Variants in TTF2 observed in about 807,000 individuals in gnomAD.
The protein encoded by TTF2 is RNA polymerase II termination factor.
Under a neutral mutation model 142.4 loss-of-function variants are expected in TTF2, and 108 were observed. The observed-to-expected ratio is 0.76, with a 90% CI of 0.65 to 0.89. The LOEUF (loss-of-function observed/expected upper bound fraction) is 0.89. Ranked by LOEUF, TTF2 falls within the 40% of genes least tolerant of loss-of-function variation. The probability of loss-of-function intolerance (pLI) is 0.00; values close to 1 mark genes in which losing one functional copy is unlikely to be tolerated. For synonymous variants in TTF2, 483 were observed against 506.2 expected (o/e 0.95, Z 0.61); for missense variants, 1,327 against 1,379.8 (o/e 0.96, Z 0.61).
At chr1:117,072,485 T>C (rs1385172448) in intron 3 of TTF2, among the ~76,000 whole-genome samples, 1 of 138,098 alleles carries the variant, frequency 7.2e-6, no homozygotes, top group Non-Finnish European at 1.5e-5. Context: ...AGTGCAGTGG[T>C]GCAATCTCGG....
intron 15 of TTF2, 149 bp from the exon 16 acceptor site, chr1:117,091,179 C>T: frequency 2.0e-6 from 1 of 503,348 alleles, no homozygotes; most frequent in Non-Finnish European, 3.4e-6. Context: ...ATAACTGTTT[C>T]TTTTGCATTA....
Position 117,076,108 on chromosome 1 carries a change from G to C in TTF2, c.1276-72G>C, listed in dbSNP as rs908402563. ...TAATTTCAGAGTTTGGGTGTTTCAGGCTATTTTAATCTGAAACTATTCATC... is the reference window on the plus strand; with the variant it reads ...TAATTTCAGAGTTTGGGTGTTTCAGCCTATTTTAATCTGAAACTATTCATC... On this transcript the variant is annotated intron_variant, in intron 5 of 22. Transcript: ENST00000369466. The surrounding 1 kb of genome is among the most constrained non-coding windows in gnomAD (Gnocchi z 4.6). 8.3e-6 allele frequency: 12 copies of C among 1,444,634 alleles called. No individual in the cohort carries two copies. Among genetic ancestry groups the C allele is most frequent in the Non-Finnish European group, 1.1e-5 (12 of 1,051,846 alleles). 89.5% of individuals were successfully genotyped at this position (1,444,634 alleles called of 1,614,324 possible). A position where few individuals can be genotyped will look rare whatever the true frequency, so the allele number is the denominator to read the frequency against.
At chr1:117,072,062 A>T (rs1656619837) in intron 3 of TTF2, among the ~76,000 whole-genome samples, 1 of 152,058 alleles carries the variant, frequency 6.6e-6, no homozygotes, top group Non-Finnish European at 1.5e-5. Flanking sequence ...TTGGATGGAG[A>T]GTAGTACCCA....
Position 117,092,308 on chromosome 1 carries a change from T to C in TTF2, c.2805+358T>C, listed in dbSNP as rs1648665740. On this transcript the variant is annotated intron_variant, in intron 17 of 22. Transcript: ENST00000369466. This position sits in a 1 kb window ranked among gnomAD's most constrained non-coding sequence, Gnocchi z 4.4. ...AATTTAGTTCTTGGGGTTTTCTGCT[T>C]TCAGGCAGTTTTGGGGTTTTGGGTT... Among the ~76,000 whole-genome samples the C allele has an allele frequency of 6.6e-6, 1 of 152,186 alleles. No homozygotes were observed. Among genetic ancestry groups the C allele is most frequent in the Non-Finnish European group, 1.5e-5 (1 of 68,034 alleles).
Position 117,092,957 on chromosome 1 carries a change from C to A in TTF2, c.2976+56C>A. On this transcript the variant is annotated intron_variant, in intron 18 of 22. Coordinates refer to ENST00000369466, the MANE Select transcript of TTF2 (RefSeq NM_003594.4). This position sits in a 1 kb window ranked among gnomAD's most constrained non-coding sequence, Gnocchi z 4.4. ...AGACTTCGATTCCTCACACATTTTC[C>A]TGTGTGACAGCACTTCATTTGTCCA... The A allele has an allele frequency of 6.3e-7, 1 of 1,586,918 alleles. No homozygotes were observed. The highest frequency in any genetic ancestry group is 2.2e-5 in the East Asian group (1 of 44,714).
At chr1:117,084,312 A>G (rs568261263) in intron 11 of TTF2, 144 bp downstream of exon 11, 2 of 1,040,906 alleles carry the variant, frequency 1.9e-6, no homozygotes, top group South Asian at 1.6e-5. Flanking sequence ...TCGTCACCAT[A>G]CAGCCTTTGC....
intron 18 of TTF2, chr1:117,094,698 A>G (rs768381092): frequency 2.1e-6 from 1 of 476,056 alleles, no homozygotes. Context: ...CCCCTCACAC[A>G]TGGCCGAAAC....
intron 18 of TTF2, chr1:117,094,812 A>G (rs1188844158): frequency 2.7e-6 from 1 of 367,806 alleles, no homozygotes; most frequent in Non-Finnish European, 5.5e-6. Flanking sequence ...CCGTGATAAT[A>G]GAAACAAAAG....
chr1:117,094,040 C>T (rs1648862408), intron 18 of TTF2, among the ~76,000 whole-genome samples: 1 of 152,222 alleles, frequency 6.6e-6, no homozygotes, highest in African/African-American at 2.4e-5. Flanking sequence ...ACATCAGTGT[C>T]TCTGTTCTAT....
chr1:117,101,240 A>G lies in TTF2; in HGVS notation c.3345-140A>G. ...TCAAGGTTGTTTGGATTCCTCAGAC[A>G]GGGTTCTTAACTGGACCTAAGAAGA... On this transcript the variant is annotated intron_variant, in intron 22 of 22. Transcript: ENST00000369466. This position sits in a 1 kb window ranked among gnomAD's most constrained non-coding sequence, Gnocchi z 5.9. The G allele has an allele frequency of 1.2e-6, 1 of 809,028 alleles. No homozygotes were observed. The highest frequency in any genetic ancestry group is 1.8e-6 in the Non-Finnish European group (1 of 547,012). The allele number at this position is 809,028 out of a possible 1,614,324, so 50.1% of individuals were successfully genotyped here.
At position 117,101,488 on chromosome 1, in the gene TTF2, C is replaced by G; in HGVS notation, c.3453C>G (p.Leu1151=). 1 of 1,603,144 alleles carries G rather than the reference C, an allele frequency of 6.2e-7. No homozygotes were observed. The highest frequency in any genetic ancestry group is 8.5e-7 in the Non-Finnish European group (1 of 1,177,442). ...LSGSGESVTK[L]TLADLRVLFG... is the part of the protein sequence containing the mutation. Reference sequence around the variant, plus strand: ...GGTCTGGAGAATCTGTCACCAAGCTCACCTTGGCTGACCTCAGAGTCCTTT... The same window carrying G: ...GGTCTGGAGAATCTGTCACCAAGCTGACCTTGGCTGACCTCAGAGTCCTTT... Residue 1151 remains leucine, a synonymous_variant, in exon 23 of 23, where the codon CTC becomes CTG. Coordinates refer to ENST00000369466, the MANE Select transcript of TTF2 (RefSeq NM_003594.4). This position sits in a 1 kb window ranked among gnomAD's most constrained non-coding sequence, Gnocchi z 5.9.
At position 117,090,494 on chromosome 1, in the gene TTF2, G is replaced by A. The variant is rs777569964; in HGVS notation, c.2497-38G>A. Reference sequence around the variant, plus strand: ...TTGTTCTATAATAGGCAGTTAATTTGTATAGCTTCATGCCAGCTTTTTTTT... The same window carrying A: ...TTGTTCTATAATAGGCAGTTAATTTATATAGCTTCATGCCAGCTTTTTTTT... On this transcript the variant is annotated intron_variant, in intron 14 of 22. Coordinates refer to ENST00000369466, the MANE Select transcript of TTF2 (RefSeq NM_003594.4). The surrounding 1 kb of genome is among the most constrained non-coding windows in gnomAD (Gnocchi z 4.8). The A allele has an allele frequency of 1.3e-6, 2 of 1,582,606 alleles. No individual in the cohort carries two copies. Among genetic ancestry groups the A allele is most frequent in the Non-Finnish European group, 1.7e-6 (2 of 1,157,104 alleles).
In TTF2 at chr1:117,080,470, G is replaced by T. The variant is rs77244769; in HGVS notation, c.1783+821G>T. Among the ~76,000 whole-genome samples, 63 of 152,300 alleles carry T rather than the reference G, an allele frequency of 4.1e-4. 2 individuals are homozygous for T. In the East Asian group the frequency reaches 0.011, roughly 26 times the overall value. ...TAAAGCTGCTTATACCTGAATTAAA[G>T]ATGTTTATGAGTACATCTGATATAT... On this transcript the variant is annotated intron_variant, in intron 9 of 22. Transcript: ENST00000369466. The surrounding 1 kb of genome is among the most constrained non-coding windows in gnomAD (Gnocchi z 4.3).
chr1:117,071,275 G>A (rs1243594708), intron 3 of TTF2, among the ~76,000 whole-genome samples: 3 of 151,434 alleles, frequency 2.0e-5, no homozygotes, highest in East Asian at 1.9e-4. Flanking sequence ...GAGGGTTCTG[G>A]TTAAAAATAA....
At position 117,078,035 on chromosome 1, in the gene TTF2, G is replaced by A. The variant is rs374345000; in HGVS notation, c.1693G>A (p.Gly565Arg). Residue 565 changes from glycine (G) to arginine (R), a missense_variant, in exon 8 of 23, where the codon GGG (glycine) becomes AGG (arginine). Physicochemically the swap from Gly to Arg is moderately radical, Grantham distance 125 (BLOSUM62 -2). Transcript: ENST00000369466. ...GETVVAEDPAGLKVPLLLHQK... is the reference protein window; with the variant it reads ...GETVVAEDPARLKVPLLLHQK... ...GACGGTTGTGGCAGAAGATCCCGCC[G>A]GGCTGAAGGTGAGCCAGGGAAGACT... 180 of 1,613,696 alleles carry A rather than the reference G, an allele frequency of 1.1e-4. No homozygotes were observed. The highest frequency in any genetic ancestry group is 1.4e-4 in the Non-Finnish European group (170 of 1,179,946).
Position 117,076,437 on chromosome 1 carries a change from T to A in TTF2, c.1390+143T>A. The A allele has an allele frequency of 3.3e-6, 3 of 899,320 alleles. No homozygotes were observed. Among genetic ancestry groups the A allele is most frequent in the Middle Eastern group, 2.2e-4 (1 of 4,476 alleles). 55.7% of individuals were successfully genotyped at this position (899,320 alleles called of 1,614,324 possible). ...TCTGAGACTTCTTTCACATTACACC[T>A]ATGGTTCATAAAAAACTTTCTCCTG... On this transcript the variant is annotated intron_variant, in intron 6 of 22. Coordinates refer to ENST00000369466, the MANE Select transcript of TTF2 (RefSeq NM_003594.4). This position sits in a 1 kb window ranked among gnomAD's most constrained non-coding sequence, Gnocchi z 4.6.
chr1:117,084,248 G>A (rs1647810275), intron 11 of TTF2, 80 bp downstream of exon 11: 1 of 1,552,992 alleles, frequency 6.4e-7, no homozygotes, highest in African/African-American at 1.4e-5. Context: ...CCATCCCTGA[G>A]ATTTCACTTA....
chr1:117,072,929 T>C (rs553342092), intron 3 of TTF2, among the ~76,000 whole-genome samples: 1 of 152,302 alleles, frequency 6.6e-6, no homozygotes, highest in African/African-American at 2.4e-5. Context: ...TCTTTTAACA[T>C]ACCAGTTGGT....
rs1284623724 is a variant in TTF2 at position 117,104,408 on chromosome 1, AG to A, written c.*2888del. On this transcript the variant is annotated 3_prime_UTR_variant, in exon 23 of 23. Coordinates refer to ENST00000369466, the MANE Select transcript of TTF2 (RefSeq NM_003594.4). ...GTCAGTCTCCAATCAAGCATTGTTTAGGGGAGAGGAATTCTTTCAGGTTCAA... is the reference window on the plus strand; with the variant it reads ...GTCAGTCTCCAATCAAGCATTGTTTAGGGAGAGGAATTCTTTCAGGTTCAA... The A allele has an allele frequency of 1.3e-5, 2 of 152,224 alleles. No individual in the cohort carries two copies. Among genetic ancestry groups the A allele is most frequent in the Non-Finnish European group, 2.9e-5 (2 of 68,032 alleles). The allele number at this position is 152,224 out of a possible 1,614,324, so 9.4% of individuals were successfully genotyped here.
Sources: allele counts gnomAD v4.1 joint callset (sites outside exome capture counted in the v4.1 genomes callset), GRCh38; gene constraint gnomAD v4.1.1; non-coding constraint Gnocchi (gnomAD v3.1); transcripts MANE v1.5; gene names NCBI Gene and HGNC (gene_info 2026-07-23, HGNC 2026-07-21).